ONECUT2: variants seen among roughly 807,000 people sequenced by gnomAD.
ONECUT2 encodes the protein one cut homeobox 2, also known as one cut domain family member 2.
In ONECUT2, 10 loss-of-function variants were observed where a neutral mutation model predicts 27.9. The observed-to-expected ratio is 0.36, with a 90% CI of 0.22 to 0.61. The LOEUF (loss-of-function observed/expected upper bound fraction) is 0.61, where lower values mean the gene tolerates loss of function less well. Ranked by LOEUF, ONECUT2 falls within the 20% of genes least tolerant of loss-of-function variation. The probability of loss-of-function intolerance (pLI) is 0.73; values close to 1 mark genes in which losing one functional copy is unlikely to be tolerated. For synonymous variants in ONECUT2, 334 were observed against 315.1 expected (o/e 1.06, Z -0.64); for missense variants, 686 against 721.0 (o/e 0.95, Z 0.56).
chr18:57,441,836 C>T (rs1220311561), intron 1 of ONECUT2, among the ~76,000 whole-genome samples: 2 of 152,256 alleles, frequency 1.3e-5, no homozygotes, highest in African/African-American at 4.8e-5. Flanking sequence ...GCCCTAGTAA[C>T]AAAAGCCTGA....
intron 1 of ONECUT2, among the ~76,000 whole-genome samples, chr18:57,451,491 C>T (rs2050230001): frequency 6.6e-6 from 1 of 152,202 alleles, no homozygotes; most frequent in Non-Finnish European, 1.5e-5. Context: ...GGCTACGGCA[C>T]CATAGCCTAG....
At chr18:57,455,173 T>C (rs1568120971) in intron 1 of ONECUT2, among the ~76,000 whole-genome samples, 1 of 152,204 alleles carries the variant, frequency 6.6e-6, no homozygotes, top group Non-Finnish European at 1.5e-5. Flanking sequence ...GTTCCCCAAA[T>C]CCATTCACTT....
At chr18:57,473,512 C>T (rs2050365476) in intron 1 of ONECUT2, among the ~76,000 whole-genome samples, 1 of 152,088 alleles carries the variant, frequency 6.6e-6, no homozygotes, top group African/African-American at 2.4e-5. Flanking sequence ...ATTTGCAAGG[C>T]CCCAGGTCTT....
chr18:57,441,894 A>G lies in ONECUT2; in HGVS notation c.1228+4950A>G, dbSNP rs116221948. Among the ~76,000 whole-genome samples the G allele has an allele frequency of 6.4e-3, 976 of 152,326 alleles. 13 individuals are homozygous for G. Among genetic ancestry groups the G allele is most frequent in the African/African-American group, 0.022 (917 of 41,568 alleles). ...GCTCTGCGCTGGACTGGTCGGGTCT[A>G]ACAGGGAGAATCTTGTGTCCTACCT... On this transcript the variant is annotated intron_variant, in intron 1 of 1. Coordinates refer to ENST00000491143, the MANE Select transcript of ONECUT2 (RefSeq NM_004852.3).
At chr18:57,446,762 G>A (rs1314288994) in intron 1 of ONECUT2, among the ~76,000 whole-genome samples, 2 of 152,170 alleles carry the variant, frequency 1.3e-5, no homozygotes, top group Non-Finnish European at 1.5e-5. Context: ...CAACAGTTCT[G>A]CTGTCATAGG....
rs999728468 is a variant in ONECUT2, at chr18:57,487,291, A to G, written c.*10568A>G. The G allele has an allele frequency of 2.0e-5, 3 of 152,320 alleles. No homozygotes were observed. Among genetic ancestry groups the G allele is most frequent in the Admixed American group, 6.5e-5 (1 of 15,274 alleles). The allele number at this position is 152,320 out of a possible 1,614,324, so 9.4% of individuals were successfully genotyped here. A position where few individuals can be genotyped will look rare whatever the true frequency, so the allele number is the denominator to read the frequency against. ...ATTGGGATCCTCATAACCCAAATAT[A>G]TCACCGTATGTGAGAGGGATTTGAA... On this transcript the variant is annotated 3_prime_UTR_variant, in exon 2 of 2. Transcript: ENST00000491143.
chr18:57,451,641 C>G (rs1031852049), intron 1 of ONECUT2, among the ~76,000 whole-genome samples: 1 of 152,226 alleles, frequency 6.6e-6, no homozygotes, highest in Non-Finnish European at 1.5e-5. Flanking sequence ...GCCTTAGATT[C>G]AGGCTTGCAT....
Position 57,483,635 on chromosome 18 carries a change from T to C in ONECUT2, c.*6912T>C, listed in dbSNP as rs2050426254. The C allele has an allele frequency of 1.3e-5, 2 of 152,636 alleles. No homozygotes were observed. The highest frequency in any genetic ancestry group is 4.8e-5 in the African/African-American group (2 of 41,450). The allele number at this position is 152,636 out of a possible 1,614,324, so 9.5% of individuals were successfully genotyped here. ...ATGCAAAATTCTACTTGGAATACTC[T>C]TGAAGTTTAGTTTGCTTTATAAAGC... is the stretch of plus-strand genomic sequence containing the variant. On this transcript the variant is annotated 3_prime_UTR_variant, in exon 2 of 2. Coordinates refer to ENST00000491143, the MANE Select transcript of ONECUT2 (RefSeq NM_004852.3).
intron 1 of ONECUT2, among the ~76,000 whole-genome samples, chr18:57,461,577 G>A (rs2050291574): frequency 6.6e-6 from 1 of 152,234 alleles, no homozygotes; most frequent in African/African-American, 2.4e-5. Context: ...AAGGGAAGAA[G>A]CCCAATAAGA....
At chr18:57,440,833 T>C (rs2050170201) in intron 1 of ONECUT2, among the ~76,000 whole-genome samples, 1 of 152,088 alleles carries the variant, frequency 6.6e-6, no homozygotes, top group African/African-American at 2.4e-5. Flanking sequence ...CTGCTAGGGC[T>C]CCCGACTCAG....
At chr18:57,465,821 C>T (rs2050318121) in intron 1 of ONECUT2, among the ~76,000 whole-genome samples, 1 of 152,190 alleles carries the variant, frequency 6.6e-6, no homozygotes, top group Admixed American at 6.5e-5. Context: ...TCTCTAAGCC[C>T]TATACTAAAT....
chr18:57,482,596 G>A lies in ONECUT2; in HGVS notation c.*5873G>A, dbSNP rs1382921250. 1 of 152,188 alleles carries A rather than the reference G, an allele frequency of 6.6e-6. No individual in the cohort carries two copies. Among genetic ancestry groups the A allele is most frequent in the Non-Finnish European group, 1.5e-5 (1 of 68,030 alleles). The allele number at this position is 152,188 out of a possible 1,614,324, so 9.4% of individuals were successfully genotyped here. ...CTTCCACTCTGCTCCATTTTTAGCA[G>A]CAAGCATTTCATGTAGCATAAACCT... On this transcript the variant is annotated 3_prime_UTR_variant, in exon 2 of 2. Transcript: ENST00000491143.
chr18:57,438,547 G>A (rs1226259314), intron 1 of ONECUT2, among the ~76,000 whole-genome samples: 2 of 152,238 alleles, frequency 1.3e-5, no homozygotes, highest in Non-Finnish European at 2.9e-5. Context: ...AATGTGACAG[G>A]CAGCAGGTTC....
In ONECUT2 at chr18:57,436,651, G is replaced by C; in HGVS notation, c.935G>C (p.Arg312Pro). Reference sequence around the variant, plus strand: ...CACGGGCCGGTGCTGGCACCCAGTCGCGAGCGGCCACCCTCGTCCTCATCG... The same window carrying C: ...CACGGGCCGGTGCTGGCACCCAGTCCCGAGCGGCCACCCTCGTCCTCATCG... Reference protein sequence around the residue: ...QSHGPVLAPSRERPPSSSSGS... With the variant: ...QSHGPVLAPSPERPPSSSSGS... Residue 312 changes from arginine (R) to proline (P), a missense_variant, in exon 1 of 2, where the codon CGC (arginine) becomes CCC (proline). By Grantham distance (103) the Arg-to-Pro change is moderately radical (BLOSUM62 -2). This residue lies in a region of ONECUT2 where 511 missense variants were observed against 488.1 expected (regional missense o/e 1.05). Coordinates refer to ENST00000491143, the MANE Select transcript of ONECUT2 (RefSeq NM_004852.3). This position sits in a 1 kb window ranked among gnomAD's most constrained non-coding sequence, Gnocchi z 5.9. 6.2e-7 allele frequency: 1 copy of C among 1,612,244 alleles called. No individual in the cohort carries two copies. The highest frequency in any genetic ancestry group is 8.5e-7 in the Non-Finnish European group (1 of 1,179,880).
rs1430985811 is a variant in ONECUT2 at position 57,436,286 on chromosome 18, C to G, written c.570C>G (p.Asn190Lys). ...ACCACCACCAGCGCCTGTCCGGCAA[C>G]GTCAGCGGCAGCTTCACCCTCATGC... ...HHHHHQRLSGNVSGSFTLMRD... is the reference protein window; with the variant it reads ...HHHHHQRLSGKVSGSFTLMRD... Residue 190 changes from asparagine (N) to lysine (K), a missense_variant, in exon 1 of 2, where the codon AAC (asparagine) becomes AAG (lysine). By Grantham distance (94) the Asn-to-Lys change is moderately conservative (BLOSUM62 0). Coordinates refer to ENST00000491143, the MANE Select transcript of ONECUT2 (RefSeq NM_004852.3). The surrounding 1 kb of genome is among the most constrained non-coding windows in gnomAD (Gnocchi z 5.9). The G allele has an allele frequency of 6.2e-7, 1 of 1,604,690 alleles. No individual in the cohort carries two copies. The highest frequency in any genetic ancestry group is 8.5e-7 in the Non-Finnish European group (1 of 1,179,522).
At position 57,435,694 on chromosome 18, in the gene ONECUT2, G is replaced by T. The variant is rs1228600640; in HGVS notation, c.-23G>T. ...GCCGGCCGCCCCCGCCGCCCCCGCCGCCCCCGGGCCCTGATGGACTGAATG... is the reference window on the plus strand; with the variant it reads ...GCCGGCCGCCCCCGCCGCCCCCGCCTCCCCCGGGCCCTGATGGACTGAATG... On this transcript the variant is annotated 5_prime_UTR_variant, in exon 1 of 2. Coordinates refer to ENST00000491143, the MANE Select transcript of ONECUT2 (RefSeq NM_004852.3). 2 of 392,884 alleles carry T rather than the reference G, an allele frequency of 5.1e-6. No individual in the cohort carries two copies. Among genetic ancestry groups the T allele is most frequent in the African/African-American group, 4.5e-5 (2 of 43,998 alleles). The allele number at this position is 392,884 out of a possible 1,614,324, so 24.3% of individuals were successfully genotyped here.
At chr18:57,470,402 A>G (rs2050346795) in intron 1 of ONECUT2, among the ~76,000 whole-genome samples, 1 of 152,196 alleles carries the variant, frequency 6.6e-6, no homozygotes. Flanking sequence ...ACCCTAAACA[A>G]ACGTGTTTCC....
intron 1 of ONECUT2, among the ~76,000 whole-genome samples, chr18:57,453,996 C>T (rs886876645): frequency 2.6e-5 from 4 of 152,012 alleles, no homozygotes; most frequent in African/African-American, 4.8e-5. Flanking sequence ...CTATGGTGTT[C>T]GAGCTGTAAT....
At chr18:57,468,170 C>T (rs2050334473) in intron 1 of ONECUT2, among the ~76,000 whole-genome samples, 1 of 152,176 alleles carries the variant, frequency 6.6e-6, no homozygotes, top group African/African-American at 2.4e-5. Flanking sequence ...CAGTGTCCAC[C>T]CTGTCTCTGC....
Sources: allele counts gnomAD v4.1 joint callset (sites outside exome capture counted in the v4.1 genomes callset), GRCh38; gene constraint gnomAD v4.1.1; regional missense constraint gnomAD v4.1.1; non-coding constraint Gnocchi (gnomAD v3.1); transcripts MANE v1.5; gene names NCBI Gene and HGNC (gene_info 2026-07-23, HGNC 2026-07-21).